The following FRMD5 variants were observed in gnomAD, a reference collection of about 807,000 sequenced individuals.
FRMD5 encodes FERM domain-containing protein 5.
A neutral mutation model predicts 69.0 loss-of-function variants in FRMD5; 20 were observed. The ratio of observed to expected loss-of-function variants is 0.29; its 90% CI spans 0.20 to 0.42. FRMD5 has a LOEUF of 0.42. Ranked by LOEUF, FRMD5 falls within the 10% of genes least tolerant of loss-of-function variation. The probability of loss-of-function intolerance (pLI) is 1.00; values close to 1 mark genes in which losing one functional copy is unlikely to be tolerated. For missense variants in FRMD5, 595 were observed against 708.6 expected, an observed-to-expected ratio of 0.84 and a Z score of 1.82; for synonymous variants, 271 against 260.1, an observed-to-expected ratio of 1.04 and a Z score of -0.40.
At chr15:43,971,190 A>G (rs1487619646) in intron 1 of FRMD5, among the ~76,000 whole-genome samples, 1 of 151,944 alleles carries the variant, frequency 6.6e-6, no homozygotes, top group East Asian at 1.9e-4. Context: ...CAGTGAGCTG[A>G]GAGCATGCCA....
At chr15:43,889,903 AAGG>A (rs2140368345) in intron 8 of FRMD5, among the ~76,000 whole-genome samples, 1 of 152,180 alleles carries the variant, frequency 6.6e-6, no homozygotes, top group Admixed American at 6.5e-5. Flanking sequence ...TGTAATTTCT[AAGG>A]AGATTTCCTT....
At chr15:44,040,328 C>G (rs575343125) in intron 1 of FRMD5, among the ~76,000 whole-genome samples, 25 of 152,080 alleles carry the variant, frequency 1.6e-4, no homozygotes, top group Non-Finnish European at 3.2e-4. Context: ...CACAAAGATA[C>G]TCCTCGAGAA....
At chr15:44,148,550 C>A (rs965485372) in intron 1 of FRMD5, among the ~76,000 whole-genome samples, 1 of 152,156 alleles carries the variant, frequency 6.6e-6, no homozygotes, top group African/African-American at 2.4e-5. Context: ...GGATTACAGG[C>A]GTGAGCCACC....
intron 3 of FRMD5, 42 bp downstream of exon 3, chr15:43,919,725 C>T (rs1185295513): frequency 6.9e-6 from 11 of 1,596,536 alleles, no homozygotes; most frequent in Non-Finnish European, 9.4e-6. Flanking sequence ...GTCCCACCCT[C>T]CCCAGGGGTG....
At chr15:44,031,190 G>T (rs1340179331) in intron 1 of FRMD5, among the ~76,000 whole-genome samples, 1 of 152,064 alleles carries the variant, frequency 6.6e-6, no homozygotes, top group Non-Finnish European at 1.5e-5. Context: ...TGTAGATGAA[G>T]GTTGAAGTCC....
chr15:44,186,369 G>T (rs1020966917), intron 1 of FRMD5, among the ~76,000 whole-genome samples: 3 of 152,158 alleles, frequency 2.0e-5, no homozygotes, highest in Non-Finnish European at 4.4e-5. Context: ...CTCAAAATTA[G>T]ACTGAGGCCC....
intron 1 of FRMD5, among the ~76,000 whole-genome samples, chr15:44,189,765 TA>T (rs1469743693): frequency 1.3e-5 from 2 of 152,188 alleles, no homozygotes; most frequent in East Asian, 3.9e-4. Flanking sequence ...TTGCCAGGAT[TA>T]CAGGCATGAG....
rs563700184 is a variant in FRMD5, at chr15:44,026,523, T to C, written c.103-102214A>G. Among the ~76,000 whole-genome samples, 9 of 152,360 alleles carry C rather than the reference T, an allele frequency of 5.9e-5. No individual in the cohort carries two copies. In the East Asian group the frequency reaches 1.7e-3, roughly 29 times the overall value. ...ATTTGGCCCTACATTGTTGCTTTTCTTCACAGCTTATTATTTATTTACTCA... is the reference window on the plus strand; with the variant it reads ...ATTTGGCCCTACATTGTTGCTTTTCCTCACAGCTTATTATTTATTTACTCA... On this transcript the variant is annotated intron_variant, in intron 1 of 13. Coordinates refer to ENST00000417257, the MANE Select transcript of FRMD5 (RefSeq NM_032892.5).
chr15:44,084,090 A>G (rs546436737), intron 1 of FRMD5, among the ~76,000 whole-genome samples: 1 of 152,076 alleles, frequency 6.6e-6, no homozygotes, highest in South Asian at 2.1e-4. Flanking sequence ...TCTAGTTCCA[A>G]CTCTGCCACT....
intron 10 of FRMD5, among the ~76,000 whole-genome samples, chr15:43,886,613 G>A (rs2088670107): frequency 6.6e-6 from 1 of 152,196 alleles, no homozygotes; most frequent in Non-Finnish European, 1.5e-5. Context: ...ACCTATGTGA[G>A]TCTGAAACCT....
chr15:43,916,781 T>A (rs1425421328), intron 4 of FRMD5, among the ~76,000 whole-genome samples: 3 of 116,134 alleles, frequency 2.6e-5, no homozygotes, highest in East Asian at 6.2e-4. Context: ...AAAATTGTAT[T>A]TTTTTTTTTT....
At chr15:43,958,354 T>A (rs1595560098) in intron 1 of FRMD5, among the ~76,000 whole-genome samples, 1 of 151,806 alleles carries the variant, frequency 6.6e-6, no homozygotes, top group South Asian at 2.1e-4. Flanking sequence ...GAAAAAAAAA[T>A]GAAAAAGGCA....
At chr15:44,143,858 A>G (rs2077311675) in intron 1 of FRMD5, among the ~76,000 whole-genome samples, 1 of 129,714 alleles carries the variant, frequency 7.7e-6, no homozygotes. Context: ...CAGGAGGCGG[A>G]GGTTGCAGTG....
At chr15:44,031,723 C>T (rs1367207941) in intron 1 of FRMD5, among the ~76,000 whole-genome samples, 1 of 152,130 alleles carries the variant, frequency 6.6e-6, no homozygotes, top group Non-Finnish European at 1.5e-5. Context: ...GGTCCTATTT[C>T]ACGTAGTCCA....
chr15:44,122,882 C>T (rs1453328958), intron 1 of FRMD5, among the ~76,000 whole-genome samples: 1 of 124,254 alleles, frequency 8.0e-6, no homozygotes, highest in Admixed American at 9.7e-5. Context: ...CAGAGCAAGA[C>T]TCTGTATCAA....
At chr15:44,159,425 G>T (rs1241579475) in intron 1 of FRMD5, among the ~76,000 whole-genome samples, 1 of 152,178 alleles carries the variant, frequency 6.6e-6, no homozygotes, top group East Asian at 1.9e-4. Context: ...GGGCAGGAAT[G>T]ATTAGGAGGC....
At chr15:43,884,260 CT>C (rs2088608470) in intron 12 of FRMD5, among the ~76,000 whole-genome samples, 1 of 152,202 alleles carries the variant, frequency 6.6e-6, no homozygotes, top group Non-Finnish European at 1.5e-5. Flanking sequence ...TCCTACCCTT[CT>C]TGGTCAGTCA....
Position 44,195,070 on chromosome 15 carries a change from C to CCCGGGAGCGA in FRMD5, c.-26_-17dup, listed in dbSNP as rs1210625286. 8 of 1,507,584 alleles carry CCCGGGAGCGA rather than the reference C, an allele frequency of 5.3e-6. No homozygotes were observed. The Admixed American group carries it at 1.2e-4, about 23-fold the overall frequency. The allele number at this position is 1,507,584 out of a possible 1,614,324, so 93.4% of individuals were successfully genotyped here. On this transcript the variant is annotated 5_prime_UTR_variant, in exon 1 of 14. Coordinates refer to ENST00000417257, the MANE Select transcript of FRMD5 (RefSeq NM_032892.5). ...TGCTCAGCATCTTCCCGCCCGCCCG[C>CCCGGGAGCGA]CCGGGAGCGACGCGGCGGCGCTGCG... is the stretch of plus-strand genomic sequence containing the variant.
chr15:44,053,472 T>C (rs543705487), intron 1 of FRMD5, among the ~76,000 whole-genome samples: 6 of 152,232 alleles, frequency 3.9e-5, no homozygotes, highest in Admixed American at 1.3e-4. Context: ...TTTACTGGAA[T>C]AGCAGAAAAA....
Sources: allele counts gnomAD v4.1 joint callset (sites outside exome capture counted in the v4.1 genomes callset), GRCh38; gene constraint gnomAD v4.1.1; transcripts MANE v1.5; gene names NCBI Gene and HGNC (gene_info 2026-07-23, HGNC 2026-07-21).